The following SHANK2 variants were observed in gnomAD, a reference collection of about 807,000 sequenced individuals.
SHANK2 encodes SH3 and multiple ankyrin repeat domains 2.
A neutral mutation model predicts 133.7 loss-of-function variants in SHANK2; 43 were observed. The observed-to-expected ratio is 0.32, with a 90% CI of 0.25 to 0.41. The LOEUF (loss-of-function observed/expected upper bound fraction) is 0.41, where lower values mean the gene tolerates loss of function less well. Ranked by LOEUF, SHANK2 falls within the 10% of genes least tolerant of loss-of-function variation. The pLI, the probability that SHANK2 is intolerant of heterozygous loss-of-function variation, is 1.00. For missense variants in SHANK2, 1,994 were observed against 2,235.8 expected (o/e 0.89, Z 2.18); for synonymous variants, 1,017 against 952.8 (o/e 1.07, Z -1.24).
chr11:70,498,944 C>T (rs1324169932), intron 21 of SHANK2, among the ~76,000 whole-genome samples: 3 of 152,196 alleles, frequency 2.0e-5, no homozygotes, highest in African/African-American at 7.2e-5. Flanking sequence ...GATCCTATTT[C>T]CAAATAAGGT....
intron 14 of SHANK2, among the ~76,000 whole-genome samples, chr11:70,765,365 G>T (rs1413989908): frequency 1.3e-5 from 2 of 152,174 alleles, no homozygotes; most frequent in Non-Finnish European, 2.9e-5. Context: ...TGGGAAAGAG[G>T]CAGTCTTGCT....
chr11:71,095,102 T>C (rs1951583575), intron 6 of SHANK2, among the ~76,000 whole-genome samples: 1 of 152,216 alleles, frequency 6.6e-6, no homozygotes. Context: ...TCATTCAATG[T>C]CACATTTATG....
chr11:71,130,436 C>T (rs1952279298), intron 3 of SHANK2, among the ~76,000 whole-genome samples: 1 of 152,214 alleles, frequency 6.6e-6, no homozygotes, highest in Non-Finnish European at 1.5e-5. Context: ...GACTAAATTG[C>T]TTTCCAAATC....
chr11:70,782,948 G>A (rs1168887462), intron 14 of SHANK2, among the ~76,000 whole-genome samples: 2 of 152,268 alleles, frequency 1.3e-5, no homozygotes, highest in African/African-American at 4.8e-5. Context: ...TCACGGACCC[G>A]CAATGTGATG....
chr11:70,643,701 C>A (rs782424736), intron 17 of SHANK2, among the ~76,000 whole-genome samples: 1 of 151,962 alleles, frequency 6.6e-6, no homozygotes, highest in Non-Finnish European at 1.5e-5. Flanking sequence ...TTCTTTTATA[C>A]GTTGGCATTG....
intron 17 of SHANK2, among the ~76,000 whole-genome samples, chr11:70,643,601 T>A (rs959618238): frequency 6.6e-6 from 1 of 151,750 alleles, no homozygotes; most frequent in Non-Finnish European, 1.5e-5. Flanking sequence ...GAAATATTAT[T>A]ATACTACAGT....
At chr11:70,742,506 G>T (rs1341980421) in intron 14 of SHANK2, among the ~76,000 whole-genome samples, 3 of 152,206 alleles carry the variant, frequency 2.0e-5, no homozygotes, top group Non-Finnish European at 4.4e-5. Context: ...CCCAGGCCAA[G>T]CTCTGAGAGG....
At chr11:70,707,217 T>C (rs1331049835) in intron 14 of SHANK2, among the ~76,000 whole-genome samples, 4 of 151,304 alleles carry the variant, frequency 2.6e-5, no homozygotes, top group Admixed American at 2.0e-4. Context: ...ACTAAAAATA[T>C]AAAATTTAGC....
chr11:71,162,080 A>G (rs1443906903), intron 2 of SHANK2, among the ~76,000 whole-genome samples: 1 of 152,244 alleles, frequency 6.6e-6, no homozygotes, highest in Non-Finnish European at 1.5e-5. Context: ...CATGATCTCA[A>G]TGGACACTTG....
At chr11:70,891,712 T>C (rs1555074754) in intron 11 of SHANK2, among the ~76,000 whole-genome samples, 1 of 151,874 alleles carries the variant, frequency 6.6e-6, no homozygotes, top group Non-Finnish European at 1.5e-5. Flanking sequence ...CCTCCCTCCC[T>C]CTCTCGGTCT....
At chr11:71,214,593 G>T (rs1394445165) in intron 2 of SHANK2, among the ~76,000 whole-genome samples, 1 of 152,226 alleles carries the variant, frequency 6.6e-6, no homozygotes, top group East Asian at 1.9e-4. Context: ...GTGAAGATGG[G>T]TCTGGCTCAG....
intron 2 of SHANK2, among the ~76,000 whole-genome samples, chr11:71,223,029 G>C (rs1226810944): frequency 6.6e-6 from 1 of 152,248 alleles, no homozygotes; most frequent in Non-Finnish European, 1.5e-5. Flanking sequence ...TCCACATCTG[G>C]GAGGTGAGTG....
chr11:71,076,534 C>CAA (rs1225731876), intron 8 of SHANK2, among the ~76,000 whole-genome samples: 2 of 144,366 alleles, frequency 1.4e-5, no homozygotes, highest in South Asian at 4.4e-4. Context: ...AAACGAAAAA[C>CAA]AAAAAAAAAA....
chr11:70,788,344 C>G (rs554162712), intron 14 of SHANK2, among the ~76,000 whole-genome samples: 1 of 152,334 alleles, frequency 6.6e-6, no homozygotes, highest in African/African-American at 2.4e-5. Context: ...TTTAATCACC[C>G]ACGGTCAACT....
chr11:70,478,165 A>G (rs2058688054), intron 25 of SHANK2, among the ~76,000 whole-genome samples: 1 of 152,184 alleles, frequency 6.6e-6, no homozygotes, highest in African/African-American at 2.4e-5. Context: ...TACTGTTTAC[A>G]AATTCAATTT....
chr11:70,722,355 A>T (rs1310416342), intron 14 of SHANK2, among the ~76,000 whole-genome samples: 1 of 151,618 alleles, frequency 6.6e-6, no homozygotes, highest in African/African-American at 2.4e-5. Context: ...GGTTCTTTTT[A>T]CTCCTGTAAC....
chr11:70,471,067 A>C lies in SHANK2; in HGVS notation c.*1802T>G, dbSNP rs1259712960. 1 of 386,992 alleles carries C rather than the reference A, an allele frequency of 2.6e-6. No homozygotes were observed. Among genetic ancestry groups the C allele is most frequent in the African/African-American group, 2.1e-5 (1 of 48,474 alleles). The allele number at this position is 386,992 out of a possible 1,614,324, so 24.0% of individuals were successfully genotyped here. On this transcript the variant is annotated 3_prime_UTR_variant, in exon 26 of 26. Transcript: ENST00000601538. The surrounding 1 kb of genome is among the most constrained non-coding windows in gnomAD (Gnocchi z 4.1). Reference sequence around the variant, plus strand: ...CAGAAATAGTATTATTAAATCACAAAAGTTTTTTTTTCTTTAACTTTCTAG... The same window carrying C: ...CAGAAATAGTATTATTAAATCACAACAGTTTTTTTTTCTTTAACTTTCTAG...
chr11:70,789,323 T>C (rs11237493), intron 14 of SHANK2, among the ~76,000 whole-genome samples: 14,462 of 152,230 alleles, frequency 0.095, 893 homozygotes, highest in South Asian at 0.28. Context: ...ACCACATCTG[T>C]TTCCTGGTCA....
intron 8 of SHANK2, among the ~76,000 whole-genome samples, chr11:71,087,280 GC>G (rs1343391573): frequency 3.3e-5 from 5 of 152,204 alleles, no homozygotes; most frequent in Non-Finnish European, 5.9e-5. Flanking sequence ...CCCAGGGCCA[GC>G]TGGAGAGATG....
Sources: allele counts gnomAD v4.1 joint callset (sites outside exome capture counted in the v4.1 genomes callset), GRCh38; gene constraint gnomAD v4.1.1; non-coding constraint Gnocchi (gnomAD v3.1); transcripts MANE v1.5; gene names NCBI Gene and HGNC (gene_info 2026-07-23, HGNC 2026-07-21).